The following ZFP30 variants were observed in gnomAD, a reference collection of about 807,000 sequenced individuals.
ZFP30 encodes ZFP30 zinc finger protein.
Under a neutral mutation model 12.3 loss-of-function variants are expected in ZFP30, and 16 were observed. The ratio of observed to expected loss-of-function variants is 1.30; its 90% CI spans 0.88 to 1.98. The LOEUF (loss-of-function observed/expected upper bound fraction) is 1.98, where lower values mean the gene tolerates loss of function less well. ZFP30 is among the 30% of genes most tolerant of loss of function. ZFP30 has a pLI of 0.00. For synonymous variants in ZFP30, 172 were observed against 201.0 expected, an observed-to-expected ratio of 0.86 and a Z score of 1.22; for missense variants, 560 against 611.2, an observed-to-expected ratio of 0.92 and a Z score of 0.88.
In ZFP30 at chr19:37,635,607, C is replaced by T; in HGVS notation, c.934G>A (p.Gly312Ser). Residue 312 changes from glycine (G) to serine (S), a missense_variant, in exon 6 of 6, where the codon GGC (glycine) becomes AGC (serine). Physicochemically the swap from Gly to Ser is moderately conservative, Grantham distance 56. Transcript: ENST00000684514. ...TGAAGTTTGTGATGTAGTCGAAGGCCTGTACTACACAGAAAGGCCTGACCA... is the reference window on the plus strand; with the variant it reads ...TGAAGTTTGTGATGTAGTCGAAGGCTTGTACTACACAGAAAGGCCTGACCA... The part of the protein sequence containing the change: ...ECGQAFLCST[G>S]LRLHHKLHTG... 1.9e-6 allele frequency: 3 copies of T among 1,614,076 alleles called. No homozygotes were observed. The highest frequency in any genetic ancestry group is 2.5e-6 in the Non-Finnish European group (3 of 1,180,010).
At chr19:37,642,368 T>C (rs1251443253) in intron 5 of ZFP30, among the ~76,000 whole-genome samples, 2 of 152,224 alleles carry the variant, frequency 1.3e-5, no homozygotes, top group Non-Finnish European at 2.9e-5. Context: ...ATTTTATGCA[T>C]TGCAATACAC....
intron 5 of ZFP30, among the ~76,000 whole-genome samples, chr19:37,643,052 C>CAAAAAAAAAA (rs951396776): frequency 9.3e-4 from 56 of 60,280 alleles, no homozygotes; most frequent in East Asian, 1.2e-3. Context: ...GACTCCGTCT[C>CAAAAAAAAAA]AAAAAAAAAA....
chr19:37,640,065 T>C (rs1032035850), intron 5 of ZFP30, among the ~76,000 whole-genome samples: 2 of 152,262 alleles, frequency 1.3e-5, no homozygotes, highest in Non-Finnish European at 2.9e-5. Flanking sequence ...GTTGGATGTT[T>C]CGTAGTATTG....
Position 37,644,653 on chromosome 19 carries a change from G to A in ZFP30, c.93C>T (p.Tyr31=). 6.2e-7 allele frequency: 1 copy of A among 1,612,786 alleles called. No individual in the cohort carries two copies. The highest frequency in any genetic ancestry group is 8.5e-7 in the Non-Finnish European group (1 of 1,179,426). The change falls in exon 4 of 6, where the codon TAC becomes TAT. Residue 31 remains tyrosine, a synonymous_variant. Transcript: ENST00000684514. ...ECLNSYQRNL[Y]RDVILENYSN... ...TATAGTTCTCTAATATCACATCTCT[G>A]TACAAATTCCTCTGATATGAGTTCA...
Position 37,639,586 on chromosome 19 carries a change from C to T in ZFP30, c.236-3281G>A, listed in dbSNP as rs117468432. ...GGCCAATGTAATGAGACCCCAATCT[C>T]GAAAAACTAAAATTAAAAGAAAGAA... On this transcript the variant is annotated intron_variant, in intron 5 of 5. Coordinates refer to ENST00000684514, the MANE Select transcript of ZFP30 (RefSeq NM_001320669.3). 9.6e-3 allele frequency among the ~76,000 whole-genome samples: 1,453 copies of T among 151,420 alleles called. 12 individuals are homozygous for T. Among genetic ancestry groups the T allele is most frequent in the Non-Finnish European group, 0.015 (1,028 of 67,918 alleles).
rs2044230898 is a variant in ZFP30, at chr19:37,631,448, T to A, written c.*3533A>T. On this transcript the variant is annotated 3_prime_UTR_variant, in exon 6 of 6. Transcript: ENST00000684514. ...TGGTTTCAAATGCTATCAAGTTTCATATTCCATTTGAGAAATGGAATATAA... is the reference window on the plus strand; with the variant it reads ...TGGTTTCAAATGCTATCAAGTTTCAAATTCCATTTGAGAAATGGAATATAA... 6.6e-6 allele frequency: 1 copy of A among 152,220 alleles called. No individual in the cohort carries two copies. The highest frequency in any genetic ancestry group is 1.5e-5 in the Non-Finnish European group (1 of 68,042). 9.4% of individuals were successfully genotyped at this position (152,220 alleles called of 1,614,324 possible).
At chr19:37,650,168 A>G (rs1340643387) in intron 2 of ZFP30, among the ~76,000 whole-genome samples, 1 of 151,528 alleles carries the variant, frequency 6.6e-6, no homozygotes, top group Non-Finnish European at 1.5e-5. Flanking sequence ...CGCTCAGGCT[A>G]AAGTGCAATC....
At chr19:37,643,052 CAAAAAAAAAAA>C (rs951396776) in intron 5 of ZFP30, among the ~76,000 whole-genome samples, 2 of 61,440 alleles carry the variant, frequency 3.3e-5, no homozygotes, top group African/African-American at 6.7e-5. Flanking sequence ...GACTCCGTCT[CAAAAAAAAAAA>C]AAAAAAAAGA....
intron 5 of ZFP30, among the ~76,000 whole-genome samples, chr19:37,640,846 C>CT (rs1362087016): frequency 2.0e-5 from 3 of 151,854 alleles, no homozygotes; most frequent in Admixed American, 6.6e-5. Context: ...TCCCCCACCC[C>CT]TTTTTTTTCT....
Position 37,635,510 on chromosome 19 carries a change from T to C in ZFP30, c.1031A>G (p.His344Arg). ...AFRVRQQLTL[H>R]QRIHTGEKPY... Reference sequence around the variant, plus strand: ...CTTCTCACCAGTGTGAATTCTCTGATGGAGAGTAAGTTGCTGCCGCACTCT... The same window carrying C: ...CTTCTCACCAGTGTGAATTCTCTGACGGAGAGTAAGTTGCTGCCGCACTCT... Residue 344 changes from histidine to arginine, a missense_variant, in exon 6 of 6, where the codon CAT (histidine) becomes CGT (arginine). Physicochemically the swap from His to Arg is conservative, Grantham distance 29. Transcript: ENST00000684514. 2 of 1,614,194 alleles carry C rather than the reference T, an allele frequency of 1.2e-6. No homozygotes were observed. The highest frequency in any genetic ancestry group is 1.7e-6 in the Non-Finnish European group (2 of 1,180,036).
chr19:37,652,428 C>T (rs551466610), intron 2 of ZFP30, among the ~76,000 whole-genome samples: 117 of 152,046 alleles, frequency 7.7e-4, no homozygotes, highest in African/African-American at 2.4e-3. Context: ...ATTAGCTGGG[C>T]GTGATGGCAG....
rs369594803 is a variant in ZFP30, at chr19:37,635,100, G to C, written c.1441C>G (p.Leu481Val). 7.4e-6 allele frequency: 12 copies of C among 1,613,732 alleles called. No homozygotes were observed. The highest frequency in any genetic ancestry group is 9.3e-6 in the Non-Finnish European group (11 of 1,179,836). Reference sequence around the variant, plus strand: ...GAATGAATTCTCTGATGTTGAATCAGTGATGAATGAAGTCTAAAGGCCTTT... The same window carrying C: ...GAATGAATTCTCTGATGTTGAATCACTGATGAATGAAGTCTAAAGGCCTTT... ...CGKAFRLHSS[L>V]IQHQRIHSGE... Residue 481 changes from leucine (L) to valine (V), a missense_variant, in exon 6 of 6, where the codon CTG becomes GTG. Physicochemically the swap from Leu to Val is conservative, Grantham distance 32. Coordinates refer to ENST00000684514, the MANE Select transcript of ZFP30 (RefSeq NM_001320669.3).
Position 37,634,921 on chromosome 19 carries a change from C to T in ZFP30, c.*60G>A, listed in dbSNP as rs1835665873. 5 of 1,462,448 alleles carry T rather than the reference C, an allele frequency of 3.4e-6. No individual in the cohort carries two copies. The Admixed American group carries it at 7.4e-5, about 22-fold the overall frequency. 90.6% of individuals were successfully genotyped at this position (1,462,448 alleles called of 1,614,324 possible). On this transcript the variant is annotated 3_prime_UTR_variant, in exon 6 of 6. Coordinates refer to ENST00000684514, the MANE Select transcript of ZFP30 (RefSeq NM_001320669.3). ...GGATTCCCACGTTCAAAAACCTTTCCTCTAGAATGTACTTCCTATGCTCAA... is the reference window on the plus strand; with the variant it reads ...GGATTCCCACGTTCAAAAACCTTTCTTCTAGAATGTACTTCCTATGCTCAA...
At chr19:37,648,515 T>C (rs537312666) in intron 2 of ZFP30, among the ~76,000 whole-genome samples, 1 of 152,198 alleles carries the variant, frequency 6.6e-6, no homozygotes, top group South Asian at 2.1e-4. Flanking sequence ...TGGGTGCTTA[T>C]AATGGGCAGC....
At chr19:37,651,640 A>C (rs1319527714) in intron 2 of ZFP30, 1 of 152,142 alleles carries the variant, frequency 6.6e-6, no homozygotes, top group Non-Finnish European at 1.5e-5. Flanking sequence ...TCAATCCTTC[A>C]GAAATACAGT....
chr19:37,642,570 C>T (rs2044457181), intron 5 of ZFP30, among the ~76,000 whole-genome samples: 3 of 152,096 alleles, frequency 2.0e-5, no homozygotes, highest in Admixed American at 6.5e-5. Flanking sequence ...TACTTGTTTA[C>T]TGTGTGACTC....
intron 2 of ZFP30, among the ~76,000 whole-genome samples, chr19:37,650,659 G>A (rs1359255989): frequency 6.6e-6 from 1 of 151,782 alleles, no homozygotes; most frequent in East Asian, 1.9e-4. Context: ...CATAGTTTTA[G>A]CTGTCTTTTA....
intron 5 of ZFP30, 34 bp from the exon 6 acceptor site, chr19:37,636,339 G>C: frequency 6.7e-7 from 1 of 1,481,754 alleles, no homozygotes; most frequent in Non-Finnish European, 8.9e-7. Flanking sequence ...ATATTTTCCT[G>C]TTCTACACAA....
intron 2 of ZFP30, among the ~76,000 whole-genome samples, chr19:37,653,416 T>C (rs1304079583): frequency 1.3e-5 from 2 of 152,188 alleles, no homozygotes; most frequent in Non-Finnish European, 2.9e-5. Flanking sequence ...AATCATTAAA[T>C]ACCTAGCAAT....
Sources: allele counts gnomAD v4.1 joint callset (sites outside exome capture counted in the v4.1 genomes callset), GRCh38; gene constraint gnomAD v4.1.1; transcripts MANE v1.5; gene names NCBI Gene and HGNC (gene_info 2026-07-23, HGNC 2026-07-21).